Variants in TRIM55 observed in about 807,000 individuals in gnomAD.
TRIM55 encodes the protein tripartite motif containing 55.
In TRIM55, 50 loss-of-function variants were observed where a neutral mutation model predicts 60.9. The observed-to-expected ratio is 0.82, with a 90% confidence interval of 0.65 to 1.04. The LOEUF (loss-of-function observed/expected upper bound fraction) is 1.04, where lower values mean the gene tolerates loss of function less well. Among genes scored for constraint, TRIM55 ranks in the 50% least tolerant of loss-of-function variants. The pLI is 0.00. For missense variants in TRIM55, 681 were observed against 666.9 expected, an observed-to-expected ratio of 1.02 and a Z score of -0.23; for synonymous variants, 237 against 238.1, an observed-to-expected ratio of 1.00 and a Z score of 0.04.
chr8:66,132,124 A>G (rs774362465), intron 2 of TRIM55, among the ~76,000 whole-genome samples: 6 of 152,230 alleles, frequency 3.9e-5, no homozygotes, highest in Non-Finnish European at 7.3e-5. Flanking sequence ...CCACATAGCC[A>G]CTACATGGAG....
At chr8:66,156,354 G>A (rs932854757) in intron 9 of TRIM55, among the ~76,000 whole-genome samples, 1 of 152,098 alleles carries the variant, frequency 6.6e-6, no homozygotes, top group African/African-American at 2.4e-5. Context: ...AACAGCCAGA[G>A]GATCAATGTG....
intron 3 of TRIM55, among the ~76,000 whole-genome samples, chr8:66,136,390 C>G (rs1352084631): frequency 6.6e-6 from 1 of 152,190 alleles, no homozygotes; most frequent in African/African-American, 2.4e-5. Context: ...TCTTCTCCTT[C>G]TAAATGTGAG....
intron 9 of TRIM55, among the ~76,000 whole-genome samples, chr8:66,162,661 T>A (rs1470087419): frequency 6.6e-6 from 1 of 152,132 alleles, no homozygotes; most frequent in Non-Finnish European, 1.5e-5. Flanking sequence ...GACCTTTTTT[T>A]GTTGGCAATG....
In TRIM55 at chr8:66,127,152, C is replaced by A; in HGVS notation, c.-117C>A. On this transcript the variant is annotated 5_prime_UTR_variant, in exon 1 of 10. Coordinates refer to ENST00000315962, the MANE Select transcript of TRIM55 (RefSeq NM_184085.2). ...CCAGGGCCTGAAACAATGTCCTCCA[C>A]CGAGAGAAACGTAAAGGACACTTGA... 8.6e-7 allele frequency: 1 copy of A among 1,168,394 alleles called. No homozygotes were observed. The highest frequency in any genetic ancestry group is 1.2e-6 in the Non-Finnish European group (1 of 840,912). 72.4% of individuals were successfully genotyped at this position (1,168,394 alleles called of 1,614,324 possible).
intron 4 of TRIM55, among the ~76,000 whole-genome samples, chr8:66,138,453 G>C (rs1020524294): frequency 2.0e-5 from 3 of 152,126 alleles, no homozygotes; most frequent in Non-Finnish European, 4.4e-5. Flanking sequence ...GCAATGGCAT[G>C]ATCTTGGCTC....
At chr8:66,130,659 CTTT>C (rs572999976) in intron 2 of TRIM55, among the ~76,000 whole-genome samples, 15,341 of 122,788 alleles carry the variant, frequency 0.12, 1,127 homozygotes, top group African/African-American at 0.23. Context: ...ACCTAGCATT[CTTT>C]TTTTTTTTTT....
intron 4 of TRIM55, among the ~76,000 whole-genome samples, chr8:66,143,775 G>T (rs984457276): frequency 6.6e-6 from 1 of 152,044 alleles, no homozygotes; most frequent in Non-Finnish European, 1.5e-5. Flanking sequence ...GCCATGTTCT[G>T]TACACATAAT....
At chr8:66,138,746 T>C (rs758181828) in intron 4 of TRIM55, among the ~76,000 whole-genome samples, 7 of 152,232 alleles carry the variant, frequency 4.6e-5, no homozygotes, top group Non-Finnish European at 8.8e-5. Flanking sequence ...TTTCTCAGTT[T>C]TCTCCTCTGT....
chr8:66,167,233 A>G (rs1049241711), intron 9 of TRIM55, among the ~76,000 whole-genome samples: 1 of 152,184 alleles, frequency 6.6e-6, no homozygotes, highest in Non-Finnish European at 1.5e-5. Context: ...GAACTTTCTC[A>G]TCTATAACTG....
chr8:66,119,320 ACT>A, the TRIM55 span, among the ~76,000 whole-genome samples: 1 of 151,928 alleles, frequency 6.6e-6, no homozygotes. Context: ...TCAGGACTGC[ACT>A]CTCTCTGCTC....
chr8:66,117,463 T>A, the TRIM55 span, among the ~76,000 whole-genome samples: 54 of 152,380 alleles, frequency 3.5e-4, no homozygotes, highest in South Asian at 2.7e-3. Context: ...TAAATGTGGC[T>A]ACTACAAAAT....
intron 2 of TRIM55, among the ~76,000 whole-genome samples, chr8:66,129,108 G>T (rs1054096926): frequency 1.3e-5 from 2 of 152,198 alleles, no homozygotes; most frequent in Non-Finnish European, 2.9e-5. Context: ...TCCTTATACT[G>T]TATTTACTGC....
chr8:66,174,331 T>C (rs1161092429), intron 9 of TRIM55, 140 bp from the exon 10 acceptor site: 4 of 597,658 alleles, frequency 6.7e-6, no homozygotes, highest in Non-Finnish European at 9.4e-6. Context: ...TTTCTAATAA[T>C]TATGTGCCAT....
chr8:66,128,115 G>A (rs1425725405), intron 1 of TRIM55, among the ~76,000 whole-genome samples, 189 bp from the exon 2 acceptor site: 1 of 152,172 alleles, frequency 6.6e-6, no homozygotes, highest in African/African-American at 2.4e-5. Context: ...TGGTATATTC[G>A]CAGATGACTG....
chr8:66,114,080 A>ACCCCC, the TRIM55 span, among the ~76,000 whole-genome samples: 100 of 39,492 alleles, frequency 2.5e-3, 2 homozygotes, highest in Middle Eastern at 0.011. Context: ...CGAAGGAGAG[A>ACCCCC]CACCCCCCCC....
the TRIM55 span, among the ~76,000 whole-genome samples, chr8:66,116,734 A>C: frequency 1.3e-5 from 1 of 75,582 alleles, no homozygotes; most frequent in Non-Finnish European, 2.2e-5. Context: ...CCAAACAATT[A>C]AGGTAGAAAA....
intron 9 of TRIM55, among the ~76,000 whole-genome samples, chr8:66,158,243 A>G (rs1810860210): frequency 6.6e-6 from 1 of 151,666 alleles, no homozygotes; most frequent in Admixed American, 6.6e-5. Context: ...GGACTTTGGC[A>G]TTGAAATCCT....
intron 2 of TRIM55, among the ~76,000 whole-genome samples, chr8:66,134,115 A>G (rs1304432727): frequency 2.0e-5 from 3 of 152,198 alleles, no homozygotes; most frequent in African/African-American, 7.2e-5. Flanking sequence ...AATTGATTTC[A>G]TGGCTCATAA....
intron 9 of TRIM55, chr8:66,155,481 G>A (rs1041315792): frequency 1.2e-4 from 68 of 553,896 alleles, no homozygotes; most frequent in Non-Finnish European, 1.9e-4. Context: ...GTGCGGAGGG[G>A]CTGTTTTCTG....
Sources: gnomAD v4.1 joint callset for allele counts (sites outside exome capture counted in the v4.1 genomes callset) on GRCh38, gnomAD v4.1.1 for gene constraint, MANE v1.5 for transcripts, NCBI Gene and HGNC (gene_info 2026-07-23, HGNC 2026-07-21) for gene names.